Variants in SUMF2 observed in about 807,000 individuals in gnomAD.
The protein encoded by SUMF2 is sulfatase modifying factor 2.
SUMF2 carries 45 observed loss-of-function variants against 44.8 expected under a neutral mutation model. The ratio of observed to expected loss-of-function variants is 1.00; its 90% CI spans 0.79 to 1.29. SUMF2 has a LOEUF of 1.29. Ranked by LOEUF, SUMF2 falls within the 50% of genes most tolerant of loss-of-function variation. The pLI is 0.00. For missense variants in SUMF2, 418 were observed against 389.9 expected, an observed-to-expected ratio of 1.07 and a Z score of -0.61; for synonymous variants, 148 against 150.4, an observed-to-expected ratio of 0.98 and a Z score of 0.12.
intron 2 of SUMF2, among the ~76,000 whole-genome samples, chr7:56,070,138 A>C (rs1035649968): frequency 2.6e-5 from 4 of 151,834 alleles, no homozygotes; most frequent in Non-Finnish European, 1.5e-5. Context: ...TGAACTCTTG[A>C]CCTCAGGTGA....
downstream of SUMF2, among the ~76,000 whole-genome samples, chr7:56,084,860 A>AGCTGCCTT (rs1349585850): frequency 1.3e-5 from 2 of 152,184 alleles, no homozygotes; most frequent in African/African-American, 2.4e-5. Flanking sequence ...GCAGCATTAA[A>AGCTGCCTT]AATAGCTTCC....
chr7:56,083,826 ACT>A (rs1208068477), downstream of SUMF2: 1 of 761,182 alleles, frequency 1.3e-6, no homozygotes, highest in Non-Finnish European at 2.3e-6. Context: ...TAAGTGGGCC[ACT>A]CTCCGTGGAG....
chr7:56,087,309 A>G, the SUMF2 span, among the ~76,000 whole-genome samples: 1 of 151,454 alleles, frequency 6.6e-6, no homozygotes, highest in Non-Finnish European at 1.5e-5. Flanking sequence ...GCAGCCTCAA[A>G]CTACTGGGCT....
chr7:56,087,825 G>A, the SUMF2 span: 3 of 1,506,168 alleles, frequency 2.0e-6, no homozygotes, highest in Non-Finnish European at 1.8e-6. Context: ...CACCCCATGG[G>A]GGGTCCCAGA....
chr7:56,078,773 T>A (rs1274714872), intron 8 of SUMF2: 1 of 440,176 alleles, frequency 2.3e-6, no homozygotes, highest in Non-Finnish European at 4.0e-6. Context: ...GCATCTTAAT[T>A]ATGGGGTTTC....
intron 2 of SUMF2, among the ~76,000 whole-genome samples, chr7:56,068,869 ATT>A (rs879521418): frequency 1.4e-5 from 2 of 143,538 alleles, no homozygotes; most frequent in Admixed American, 7.0e-5. Flanking sequence ...CGCCCGGCTA[ATT>A]TTTTTTTTTT....
downstream of SUMF2, chr7:56,082,263 C>T (rs748460463): frequency 6.6e-5 from 106 of 1,606,662 alleles, no homozygotes; most frequent in Non-Finnish European, 8.3e-5. Context: ...TCTGCAGGAA[C>T]AGTCATCATC....
chr7:56,080,260 CT>C lies in SUMF2; in HGVS notation c.*671del, dbSNP rs71015184. On this transcript the variant is annotated 3_prime_UTR_variant, in exon 9 of 9. Transcript: ENST00000434526. ...AGACAAATATCAGAAGCTTCCTATT[CT>C]TTTTTTTTTTTTTTTTTTTTTTGAG... 0.15 allele frequency: 15,712 copies of C among 105,422 alleles called. 615 individuals carry two copies. The highest frequency in any genetic ancestry group is 0.19 in the Admixed American group (1,725 of 9,126). 6.5% of individuals were successfully genotyped at this position (105,422 alleles called of 1,614,324 possible).
In SUMF2 at chr7:56,068,478, G is replaced by T; in HGVS notation, c.68-4G>T. ...TTACTGGTAACTCTCTTTTTTCTCT[G>T]CAGGAAATGGACAGGCTACTAGCAT... On this transcript the variant is annotated splice_region_variant and splice_polypyrimidine_tract_variant and intron_variant, in intron 1 of 8. Transcript: ENST00000434526. The T allele has an allele frequency of 6.3e-7, 1 of 1,593,564 alleles. No homozygotes were observed. Among genetic ancestry groups the T allele is most frequent in the Non-Finnish European group, 8.5e-7 (1 of 1,174,924 alleles).
intron 2 of SUMF2, among the ~76,000 whole-genome samples, chr7:56,072,097 T>C (rs1795200577): frequency 7.6e-6 from 1 of 132,302 alleles, no homozygotes; most frequent in Non-Finnish European, 1.6e-5. Flanking sequence ...AACAGTCTTT[T>C]TGAGACAGAG....
At chr7:56,065,470 T>C (rs1043103353) in intron 1 of SUMF2, among the ~76,000 whole-genome samples, 4 of 152,212 alleles carry the variant, frequency 2.6e-5, no homozygotes, top group Non-Finnish European at 4.4e-5. Context: ...TCATCTATTA[T>C]CTCATAAATG....
downstream of SUMF2, chr7:56,082,328 C>T (rs1418988393): frequency 2.3e-5 from 27 of 1,164,838 alleles, no homozygotes; most frequent in South Asian, 5.2e-5. Flanking sequence ...CGCAGTGGCT[C>T]ATTTCTATAA....
At chr7:56,066,539 C>A (rs956405845) in intron 1 of SUMF2, among the ~76,000 whole-genome samples, 2 of 152,130 alleles carry the variant, frequency 1.3e-5, no homozygotes, top group Admixed American at 6.6e-5. Context: ...CTCCGCCCCC[C>A]CAGGTTCAAG....
At chr7:56,067,619 G>A (rs531751927) in intron 1 of SUMF2, among the ~76,000 whole-genome samples, 52 of 152,096 alleles carry the variant, frequency 3.4e-4, no homozygotes, top group African/African-American at 1.1e-3. Flanking sequence ...TCAGCTGGGC[G>A]TGCTGGCTCA....
the SUMF2 span, chr7:56,087,514 G>T: frequency 7.3e-7 from 1 of 1,362,596 alleles, no homozygotes; most frequent in Admixed American, 1.8e-5. Flanking sequence ...TTGGCTGTGC[G>T]GTGGGGCCAC....
intron 4 of SUMF2, 122 bp downstream of exon 4, chr7:56,074,340 ATCAGGGAAAGCGC>A: frequency 8.4e-7 from 1 of 1,190,384 alleles, no homozygotes; most frequent in Non-Finnish European, 1.2e-6. Flanking sequence ...ATAGGGGAAT[ATCAGGGAAAGCGC>A]TCAGCAGGCC....
intron 5 of SUMF2, 183 bp from the exon 6 acceptor site, chr7:56,076,651 A>C: frequency 3.7e-5 from 19 of 517,212 alleles, no homozygotes; most frequent in East Asian, 6.7e-5. Flanking sequence ...TGAGGAGGCC[A>C]GGGCCCTCTA....
Position 56,079,744 on chromosome 7 carries a change from C to T in SUMF2, c.*132C>T, listed in dbSNP as rs748310788. 60 of 1,577,646 alleles carry T rather than the reference C, an allele frequency of 3.8e-5. No homozygotes were observed. The highest frequency in any genetic ancestry group is 5.0e-5 in the Non-Finnish European group (58 of 1,161,218). On this transcript the variant is annotated 3_prime_UTR_variant, in exon 9 of 9. Transcript: ENST00000434526. ...AACTTCCCCTTCCCTGTCTCCCATC[C>T]CTCTGTGGCAGGCGCCTCTCACCAG...
chr7:56,064,502 A>C, intron 1 of SUMF2, 124 bp downstream of exon 1: 6 of 1,379,176 alleles, frequency 4.4e-6, no homozygotes, highest in Non-Finnish European at 4.8e-6. Flanking sequence ...CAGGCTGGGG[A>C]GGTAGCTCTC....
Sources: gnomAD v4.1 joint callset for allele counts (sites outside exome capture counted in the v4.1 genomes callset) on GRCh38, gnomAD v4.1.1 for gene constraint, MANE v1.5 for transcripts, NCBI Gene and HGNC (gene_info 2026-07-23, HGNC 2026-07-21) for gene names.